CACNA1F: variants seen among roughly 807,000 people sequenced by gnomAD.
CACNA1F encodes voltage-dependent L-type calcium channel subunit alpha-1F.
A neutral mutation model predicts 143.8 loss-of-function variants in CACNA1F; 59 were observed. The ratio of observed to expected loss-of-function variants is 0.41; its 90% confidence interval spans 0.33 to 0.51. The LOEUF is 0.51. Among genes scored for constraint, CACNA1F ranks in the 20% least tolerant of loss-of-function variants. CACNA1F has a pLI of 0.22. For synonymous variants in CACNA1F, 643 were observed against 649.1 expected, an observed-to-expected ratio of 0.99 and a Z score of 0.14; for missense variants, 1,411 against 1,647.5, an observed-to-expected ratio of 0.86 and a Z score of 2.48.
chrX:49,219,551 C>T (rs782506459), intron 20 of CACNA1F, 83 bp downstream of exon 20: 2 of 1,174,890 alleles, frequency 1.7e-6, no homozygotes, highest in South Asian at 1.9e-5. Context: ...CCCATGCCCC[C>T]ACTCCCACCT....
At chrX:49,232,709 G>A (rs1336374204) in intron 1 of CACNA1F, among the ~76,000 whole-genome samples, 3 of 112,153 alleles carry the variant, frequency 2.7e-5, no homozygotes, top group African/African-American at 9.7e-5. Context: ...AAAAAGTTAA[G>A]TGACTTGCTG....
chrX:49,214,396 T>G, intron 29 of CACNA1F, 127 bp from the exon 30 acceptor site: 1 of 518,473 alleles, frequency 1.9e-6, no homozygotes, highest in Non-Finnish European at 3.5e-6. Context: ...GTCAAACCTC[T>G]TGCACTGTCT....
At position 49,214,956 on chromosome X, in the gene CACNA1F, T is replaced by C. The variant is rs782125420; in HGVS notation, c.3597+130A>G. On this transcript the variant is annotated intron_variant, in intron 29 of 47. Coordinates refer to ENST00000323022, the MANE Select transcript of CACNA1F (RefSeq NM_001256789.3). ...TAAAGAAATGTGGCAAATGTCTTTA[T>C]AGCTTAAGTTGCTGTTAGTTGGCAG... is the stretch of plus-strand genomic sequence containing the variant. The C allele has an allele frequency of 1.1e-4, 66 of 578,230 alleles. 1 individual carries two copies. Among genetic ancestry groups the C allele is most frequent in the African/African-American group, 1.1e-3 (48 of 44,439 alleles). The allele number at this position is 578,230 out of a possible 1,213,427, so 47.7% of individuals were successfully genotyped here.
chrX:49,217,713 G>T (rs781872573), intron 26 of CACNA1F, 42 bp downstream of exon 26: 5 of 1,118,374 alleles, frequency 4.5e-6, no homozygotes, highest in Non-Finnish European at 6.2e-6. Context: ...GTCTTTGGGA[G>T]GGGTCCTGAG....
At position 49,212,691 on chromosome X, in the gene CACNA1F, G is replaced by A; in HGVS notation, c.3918C>T (p.Leu1306=). 1 of 1,209,712 alleles carries A rather than the reference G, an allele frequency of 8.3e-7. No homozygotes were observed. Among genetic ancestry groups the A allele is most frequent in the African/African-American group, 1.7e-5 (1 of 57,752 alleles). ...CCTGGAAGGACTTGATGAATGTCCA[G>A]AGCAATGTGCGGATCCCTTCACCCT... The part of the protein sequence containing the change: ...LSKGEGIRTL[L]WTFIKSFQAL... The change falls in exon 33 of 48, where the codon CTC becomes CTT. Residue 1306 remains leucine, a synonymous_variant. Coordinates refer to ENST00000323022, the MANE Select transcript of CACNA1F (RefSeq NM_001256789.3).
At chrX:49,224,217 T>C (rs1372142028) in intron 14 of CACNA1F, among the ~76,000 whole-genome samples, 1 of 110,241 alleles carries the variant, frequency 9.1e-6, no homozygotes, top group Non-Finnish European at 1.9e-5. Context: ...GAAATGGAGT[T>C]GCAGTTGAAG....
At chrX:49,217,414 C>T (rs1482639020) in intron 26 of CACNA1F, among the ~76,000 whole-genome samples, 1 of 112,404 alleles carries the variant, frequency 8.9e-6, no homozygotes, top group Non-Finnish European at 1.9e-5. Flanking sequence ...AAGAAATGTA[C>T]CTAAGTCTCA....
rs782804171 is a variant in CACNA1F, at chrX:49,226,545, G to C, written c.1370-43C>G. ...ATAGTGGTCAGGACCTGAAGACCCC[G>C]AGGTCCAATCTTTGGCTTTCACCTC... On this transcript the variant is annotated intron_variant, in intron 10 of 47. Transcript: ENST00000323022. The C allele has an allele frequency of 1.0e-5, 12 of 1,158,564 alleles. No individual in the cohort carries two copies. In the South Asian group the frequency reaches 2.3e-4, roughly 22 times the overall value.
At position 49,231,924 on chromosome X, in the gene CACNA1F, G is replaced by A; in HGVS notation, c.29C>T (p.Thr10Ile). Reference sequence around the variant, plus strand: ...ATTGGCTGGACTGGGCTCTGGGGTGGTGTCTATATGGAGAAACTGTGTCAG... The same window carrying A: ...ATTGGCTGGACTGGGCTCTGGGGTGATGTCTATATGGAGAAACTGTGTCAG... MSESEGGKDTTPEPSPANGA... is the reference protein window; with the variant it reads MSESEGGKDITPEPSPANGA... The change falls in exon 2 of 48, where the codon ACC (threonine) becomes ATC (isoleucine). Residue 10 changes from threonine (T) to isoleucine (I), a missense_variant. Coordinates refer to ENST00000323022, the MANE Select transcript of CACNA1F (RefSeq NM_001256789.3). The A allele has an allele frequency of 8.5e-7, 1 of 1,175,223 alleles. No individual in the cohort carries two copies.
chrX:49,208,919 A>G (rs2065627160), intron 42 of CACNA1F: 2 of 433,253 alleles, frequency 4.6e-6, no homozygotes, highest in South Asian at 3.4e-5. Context: ...TCATCCTCCC[A>G]GGTTCAAGCA....
At chrX:49,230,634 A>C in intron 4 of CACNA1F, 25 bp from the exon 5 acceptor site, 1 of 1,156,574 alleles carries the variant, frequency 8.6e-7, no homozygotes, top group Non-Finnish European at 1.2e-6. Context: ...CCGGGCAGGG[A>C]GGCGGAGGTC....
chrX:49,206,966 C>T, intron 44 of CACNA1F, 39 bp downstream of exon 44: 1 of 1,108,255 alleles, frequency 9.0e-7, no homozygotes, highest in Non-Finnish European at 1.2e-6. Context: ...TCCTCCACCC[C>T]AGCTCATGGG....
intron 21 of CACNA1F, 112 bp downstream of exon 21, chrX:49,219,209 C>T (rs1240422563): frequency 1.2e-6 from 1 of 844,742 alleles, no homozygotes; most frequent in African/African-American, 2.0e-5. Context: ...ATGAGCCCCT[C>T]TCTCGGCTCA....
Position 49,209,330 on chromosome X carries a change from C to T in CACNA1F, c.4885G>A (p.Glu1629Lys). 1 of 1,207,725 alleles carries T rather than the reference C, an allele frequency of 8.3e-7. No individual in the cohort carries two copies. The highest frequency in any genetic ancestry group is 1.1e-6 in the Non-Finnish European group (1 of 892,368). ...TCCTGCCCCTCTTCTTCCTCCTCCT[C>T]TGTGTCACAGGTGAGGGCCTGCCGC... ...EMRQALTCDT[E>K]EEEEEGQEGV... Residue 1629 changes from glutamate to lysine, a missense_variant, in exon 42 of 48, where the codon GAG (glutamate) becomes AAG (lysine). Glu to Lys is a moderately conservative substitution (Grantham distance 56, BLOSUM62 1). This residue lies in a region of CACNA1F where 349 missense variants were observed against 350.2 expected (regional missense o/e 1.00). Coordinates refer to ENST00000323022, the MANE Select transcript of CACNA1F (RefSeq NM_001256789.3).
rs1557105047 is a variant in CACNA1F at position 49,206,862 on chromosome X, G to A, written c.5232-7C>T. 3 of 1,202,347 alleles carry A rather than the reference G, an allele frequency of 2.5e-6. No individual in the cohort carries two copies. Among genetic ancestry groups the A allele is most frequent in the Non-Finnish European group, 3.4e-6 (3 of 889,336 alleles). On this transcript the variant is annotated splice_region_variant and splice_polypyrimidine_tract_variant and intron_variant, in intron 44 of 47. Coordinates refer to ENST00000323022, the MANE Select transcript of CACNA1F (RefSeq NM_001256789.3). ...CTCATCTAGGTAGGAAAGCCTGTGT[G>A]GGTGGGAGGGCCAGGGGTGAACTTG...
chrX:49,217,909 G>T lies in CACNA1F; in HGVS notation c.3025C>A (p.Gln1009Lys), dbSNP rs781876051. 1.7e-6 allele frequency: 2 copies of T among 1,207,227 alleles called. No individual in the cohort carries two copies. The highest frequency in any genetic ancestry group is 4.3e-5 in the Admixed American group (2 of 46,018). The change falls in exon 25 of 48, where the codon CAG (glutamine) becomes AAG (lysine). Residue 1009 changes from glutamine to lysine, a missense_variant. Gln to Lys is a moderately conservative substitution (Grantham distance 53, BLOSUM62 1). Transcript: ENST00000323022. ...LQFMFACIGV[Q>K]LFKGKFYTCT... ...AGTGTTTGCCCCACCTTGAAGAGCTGCACCCCGATGCAGGCGAACATAAAT... is the reference window on the plus strand; with the variant it reads ...AGTGTTTGCCCCACCTTGAAGAGCTTCACCCCGATGCAGGCGAACATAAAT...
Position 49,205,351 on chromosome X carries a change from C to A in CACNA1F, c.5687G>T (p.Gly1896Val), listed in dbSNP as rs1557104579. ...TGGGTCTCGAGCAAAGAGGCCCAGA[C>A]CCTCTGAGATAAGCACCTGGGGGCA... Reference protein sequence around the residue: ...SLVEAVLISEGLGLFARDPRF... With the variant: ...SLVEAVLISEVLGLFARDPRF... The change falls in exon 48 of 48, where the codon GGT (glycine) becomes GTT (valine). Residue 1896 changes from glycine to valine, a missense_variant. Physicochemically the swap from Gly to Val is moderately radical, Grantham distance 109. This residue lies in a region of CACNA1F where 349 missense variants were observed against 350.2 expected (regional missense o/e 1.00). Transcript: ENST00000323022. 8.3e-7 allele frequency: 1 copy of A among 1,200,787 alleles called. No homozygotes were observed. Among genetic ancestry groups the A allele is most frequent in the Non-Finnish European group, 1.1e-6 (1 of 888,179 alleles).
chrX:49,230,985 T>C lies in CACNA1F; in HGVS notation c.386A>G (p.Gln129Arg). 1.0e-6 allele frequency: 1 copy of C among 995,772 alleles called. No homozygotes were observed. Among genetic ancestry groups the C allele is most frequent in the Non-Finnish European group, 1.4e-6 (1 of 726,921 alleles). 82.1% of individuals were successfully genotyped at this position (995,772 alleles called of 1,213,427 possible). ...AATCACCAGGAATACGTACTCCACC[T>C]GCTCCTGGGGGTGGGACCGGGGGGC... The part of the protein sequence containing the change: ...DSNTANHNLE[Q>R]VEYVFLVIFT... The change falls in exon 4 of 48, where the codon CAG becomes CGG. Residue 129 changes from glutamine (Q) to arginine (R), a missense_variant. Around this residue, in one of 3 missense-constraint regions of CACNA1F, gnomAD observed 950 missense variants for 1,128.1 expected, o/e 0.84. Coordinates refer to ENST00000323022, the MANE Select transcript of CACNA1F (RefSeq NM_001256789.3).
At chrX:49,219,198 A>T in intron 21 of CACNA1F, 123 bp downstream of exon 21, 1 of 757,153 alleles carries the variant, frequency 1.3e-6, no homozygotes, top group Non-Finnish European at 2.0e-6. Context: ...CAGCTGCGTT[A>T]ATGAGCCCCT....
Sources: allele counts gnomAD v4.1 joint callset (sites outside exome capture counted in the v4.1 genomes callset), GRCh38; gene constraint gnomAD v4.1.1; regional missense constraint gnomAD v4.1.1; transcripts MANE v1.5; gene names NCBI Gene and HGNC (gene_info 2026-07-23, HGNC 2026-07-21).